PHF21A: variants seen among roughly 807,000 people sequenced by gnomAD.
PHF21A encodes BHC80a.
PHF21A carries 11 observed loss-of-function variants against 82.5 expected under a neutral mutation model. The observed-to-expected ratio is 0.13, with a 90% CI of 0.08 to 0.22. The LOEUF (loss-of-function observed/expected upper bound fraction) is 0.22. Among genes scored for constraint, PHF21A ranks in the 10% least tolerant of loss-of-function variants. PHF21A has a pLI of 1.00. For missense variants in PHF21A, 579 were observed against 837.8 expected, an observed-to-expected ratio of 0.69 and a Z score of 3.81; for synonymous variants, 297 against 302.8, an observed-to-expected ratio of 0.98 and a Z score of 0.20.
At chr11:45,962,226 T>C (rs2093130598) in intron 10 of PHF21A, among the ~76,000 whole-genome samples, 1 of 152,216 alleles carries the variant, frequency 6.6e-6, no homozygotes, top group South Asian at 2.1e-4. Context: ...TGAATGATGT[T>C]ATCATCTAAA....
chr11:46,054,269 A>C (rs536100060), intron 6 of PHF21A, among the ~76,000 whole-genome samples: 1 of 152,266 alleles, frequency 6.6e-6, no homozygotes, highest in South Asian at 2.1e-4. Context: ...TAACCCTTGA[A>C]AATTATATCA....
At chr11:46,069,068 T>C (rs938635938) in intron 6 of PHF21A, among the ~76,000 whole-genome samples, 1 of 152,156 alleles carries the variant, frequency 6.6e-6, no homozygotes, top group Non-Finnish European at 1.5e-5. Context: ...GAGCAGATAA[T>C]ACAGCACTGG....
intron 10 of PHF21A, among the ~76,000 whole-genome samples, chr11:45,960,277 A>G (rs904491728): frequency 1.3e-5 from 2 of 152,232 alleles, no homozygotes; most frequent in African/African-American, 2.4e-5. Flanking sequence ...GGAACCAACC[A>G]ATGTCTTATG....
intron 6 of PHF21A, among the ~76,000 whole-genome samples, chr11:46,049,895 A>C (rs553857851): frequency 1.3e-5 from 2 of 152,248 alleles, no homozygotes; most frequent in African/African-American, 4.8e-5. Flanking sequence ...AACAGAATCA[A>C]GAGATTAAGT....
intron 6 of PHF21A, among the ~76,000 whole-genome samples, chr11:46,062,708 T>C (rs1377641026): frequency 6.6e-6 from 1 of 152,156 alleles, no homozygotes; most frequent in Non-Finnish European, 1.5e-5. Context: ...AGAACTCTCA[T>C]ACACTACTGA....
Position 46,027,524 on chromosome 11 carries a change from A to T in PHF21A, c.154-47558T>A, listed in dbSNP as rs1417657842. 2.0e-5 allele frequency among the ~76,000 whole-genome samples: 3 copies of T among 152,260 alleles called. No homozygotes were observed. In the East Asian group the frequency reaches 5.8e-4, roughly 29 times the overall value. On this transcript the variant is annotated intron_variant, in intron 6 of 18. Coordinates refer to ENST00000676320, the MANE Select transcript of PHF21A (RefSeq NM_001352027.3). ...TACACCTGAATGCAGATGCCTGCACAGGAAACACACAAAATACAATGCAAT... is the reference window on the plus strand; with the variant it reads ...TACACCTGAATGCAGATGCCTGCACTGGAAACACACAAAATACAATGCAAT...
At chr11:46,109,218 G>A (rs942312396) in intron 1 of PHF21A, among the ~76,000 whole-genome samples, 8 of 152,220 alleles carry the variant, frequency 5.3e-5, no homozygotes, top group Admixed American at 4.6e-4. Context: ...TATGTGATCC[G>A]AGGGAAACCT....
In PHF21A at chr11:45,969,859, T is replaced by A. The variant is rs2093652806; in HGVS notation, c.658A>T (p.Ile220Phe). The change falls in exon 9 of 19, where the codon ATC becomes TTC. Residue 220 changes from isoleucine to phenylalanine, a missense_variant. Ile to Phe is a conservative substitution (Grantham distance 21). Transcript: ENST00000676320. ...PPQPIKVPQFIPPPRLTPRPN... is the reference protein window; with the variant it reads ...PPQPIKVPQFFPPPRLTPRPN... Reference sequence around the variant, plus strand: ...CGTGGAGTGAGTCTAGGAGGGGGGATAAACTGTGGTACTTTGATGGGCTGA... The same window carrying A: ...CGTGGAGTGAGTCTAGGAGGGGGGAAAAACTGTGGTACTTTGATGGGCTGA... 1 of 1,613,876 alleles carries A rather than the reference T, an allele frequency of 6.2e-7. No individual in the cohort carries two copies. Among genetic ancestry groups the A allele is most frequent in the African/African-American group, 1.3e-5 (1 of 74,922 alleles).
At chr11:46,067,289 T>C (rs2096605682) in intron 6 of PHF21A, among the ~76,000 whole-genome samples, 1 of 152,106 alleles carries the variant, frequency 6.6e-6, no homozygotes, top group Admixed American at 6.5e-5. Flanking sequence ...GCATAACAAG[T>C]ATCTGAAAAG....
intron 1 of PHF21A, among the ~76,000 whole-genome samples, chr11:46,104,729 T>C (rs1459506799): frequency 1.3e-5 from 2 of 152,198 alleles, no homozygotes; most frequent in African/African-American, 4.8e-5. Flanking sequence ...CCTCATTTTA[T>C]TGTCACATGA....
At chr11:46,114,761 G>A (rs1470567352) in intron 1 of PHF21A, among the ~76,000 whole-genome samples, 2 of 152,116 alleles carry the variant, frequency 1.3e-5, no homozygotes, top group African/African-American at 4.8e-5. Flanking sequence ...TGTCGCTTTG[G>A]AGATGCACAT....
chr11:45,979,404 A>G (rs1225121434), intron 7 of PHF21A, among the ~76,000 whole-genome samples: 1 of 152,246 alleles, frequency 6.6e-6, no homozygotes, highest in African/African-American at 2.4e-5. Context: ...TAAGAATTCC[A>G]GAAGAGGTCA....
At chr11:45,935,354 G>C (rs779691312) in intron 18 of PHF21A, 2 of 855,860 alleles carry the variant, frequency 2.3e-6, no homozygotes, top group South Asian at 1.5e-5. Flanking sequence ...TGGCTACACT[G>C]TTGTAGCTGT....
chr11:46,037,982 C>T (rs2096050342), intron 6 of PHF21A, among the ~76,000 whole-genome samples: 1 of 151,918 alleles, frequency 6.6e-6, no homozygotes, highest in South Asian at 2.1e-4. Flanking sequence ...TTTTCTCTAC[C>T]AAATTTCCAT....
intron 16 of PHF21A, among the ~76,000 whole-genome samples, chr11:45,937,955 T>C (rs1440577083): frequency 6.6e-6 from 1 of 152,222 alleles, no homozygotes; most frequent in Admixed American, 6.5e-5. Context: ...AGGAAGCATC[T>C]ATCCAGCTCA....
At chr11:46,105,468 A>T (rs2097143123) in intron 1 of PHF21A, among the ~76,000 whole-genome samples, 1 of 152,182 alleles carries the variant, frequency 6.6e-6, no homozygotes, top group Non-Finnish European at 1.5e-5. Context: ...ACCTTTCTCC[A>T]CACTCAGACC....
At chr11:45,962,311 G>C (rs77580310) in intron 10 of PHF21A, among the ~76,000 whole-genome samples, 1 of 134,054 alleles carries the variant, frequency 7.5e-6, no homozygotes, top group Non-Finnish European at 1.6e-5. Context: ...TTTGGTAACT[G>C]TGAACAGGTG....
Position 45,938,322 on chromosome 11 carries a change from T to A in PHF21A, c.1453-10A>T. On this transcript the variant is annotated splice_polypyrimidine_tract_variant and intron_variant, in intron 15 of 18. Transcript: ENST00000676320. The stretch of plus-strand genomic sequence containing the variant: ...CCTCATGAATATCACCCTATAAAGT[T>A]GAGAGGAAAGGTAAGAAAAAGGACA... 1 of 1,601,196 alleles carries A rather than the reference T, an allele frequency of 6.2e-7. No individual in the cohort carries two copies. Among genetic ancestry groups the A allele is most frequent in the African/African-American group, 1.3e-5 (1 of 74,566 alleles).
intron 6 of PHF21A, among the ~76,000 whole-genome samples, chr11:46,049,856 TTAA>T (rs978838338): frequency 6.5e-3 from 1 of 154 alleles, no homozygotes; most frequent in Non-Finnish European, 0.05. Context: ...AAAAACAACG[TTAA>T]GACTATCCAG....
Sources: allele counts gnomAD v4.1 joint callset (sites outside exome capture counted in the v4.1 genomes callset), GRCh38; gene constraint gnomAD v4.1.1; transcripts MANE v1.5; gene names NCBI Gene and HGNC (gene_info 2026-07-23, HGNC 2026-07-21).